The following MYO1E variants were observed in gnomAD, a reference collection of about 807,000 sequenced individuals.
The protein encoded by MYO1E is unconventional myosin-Ie.
MYO1E carries 68 observed loss-of-function variants against 151.1 expected under a neutral mutation model. The ratio of observed to expected loss-of-function variants is 0.45; its 90% CI spans 0.37 to 0.55. MYO1E has a LOEUF of 0.55. MYO1E is among the 20% of genes least tolerant of loss of function. The probability of loss-of-function intolerance (pLI) is 0.00; values close to 1 mark genes in which losing one functional copy is unlikely to be tolerated. For synonymous variants in MYO1E, 601 were observed against 501.7 expected, an observed-to-expected ratio of 1.20 and a Z score of -2.64; for missense variants, 1,363 against 1,389.3, an observed-to-expected ratio of 0.98 and a Z score of 0.30.
chr15:59,282,602 T>C (rs929659423), intron 1 of MYO1E, among the ~76,000 whole-genome samples: 1 of 151,418 alleles, frequency 6.6e-6, no homozygotes, highest in East Asian at 2.0e-4. Context: ...TCCCAGCACT[T>C]TGGGAGGCCA....
chr15:59,296,168 C>T (rs541668149), intron 1 of MYO1E, among the ~76,000 whole-genome samples: 7 of 152,324 alleles, frequency 4.6e-5, no homozygotes, highest in South Asian at 2.1e-4. Flanking sequence ...AGAGACATCA[C>T]GCTGTGGATA....
At chr15:59,328,908 A>G (rs1232025728) in intron 1 of MYO1E, among the ~76,000 whole-genome samples, 10 of 152,198 alleles carry the variant, frequency 6.6e-5, no homozygotes, top group Admixed American at 6.5e-4. Flanking sequence ...ATCACAATTT[A>G]CAGACAAGGA....
intron 1 of MYO1E, among the ~76,000 whole-genome samples, chr15:59,318,054 A>C (rs531148401): frequency 6.6e-6 from 1 of 152,252 alleles, no homozygotes; most frequent in African/African-American, 2.4e-5. Context: ...CTAAACAGTA[A>C]ATGGGGAGTC....
At chr15:59,300,758 G>A (rs1481697073) in intron 1 of MYO1E, among the ~76,000 whole-genome samples, 1 of 152,054 alleles carries the variant, frequency 6.6e-6, no homozygotes, top group South Asian at 2.1e-4. Context: ...CTTTCTTGAA[G>A]GTCTCACAGG....
rs56327611 is a variant in MYO1E, at chr15:59,236,375, C to T, written c.420+210G>A. ...AAGAAAAAAAAAAAATATATACACA[C>T]ACACACACACACACACACACACACA... is the stretch of plus-strand genomic sequence containing the variant. On this transcript the variant is annotated intron_variant, in intron 5 of 27. Transcript: ENST00000288235. Among the ~76,000 whole-genome samples, 4,680 of 24,374 alleles carry T rather than the reference C, an allele frequency of 0.19. 350 individuals carry two copies. The highest frequency in any genetic ancestry group is 0.36 in the African/African-American group (2,626 of 7,300). 16.0% of individuals were successfully genotyped at this position (24,374 alleles called of 152,430 possible). A position where few individuals can be genotyped will look rare whatever the true frequency, so the allele number is the denominator to read the frequency against.
At chr15:59,226,818 T>C (rs2079994575) in intron 7 of MYO1E, among the ~76,000 whole-genome samples, 1 of 152,004 alleles carries the variant, frequency 6.6e-6, no homozygotes, top group African/African-American at 2.4e-5. Context: ...AATAAAAAAA[T>C]AAATAAAATA....
chr15:59,276,932 G>A (rs764962355), intron 1 of MYO1E, among the ~76,000 whole-genome samples: 7 of 152,264 alleles, frequency 4.6e-5, no homozygotes, highest in Admixed American at 3.9e-4. Flanking sequence ...ACGCGGCAGC[G>A]GTTCTGCAAA....
At chr15:59,265,809 A>G (rs2080249893) in intron 2 of MYO1E, among the ~76,000 whole-genome samples, 1 of 151,092 alleles carries the variant, frequency 6.6e-6, no homozygotes, top group Non-Finnish European at 1.5e-5. Context: ...AAAAAAAAAA[A>G]AAAAAAAAAT....
chr15:59,147,621 C>CA (rs1227916351), intron 26 of MYO1E, among the ~76,000 whole-genome samples: 15 of 84,212 alleles, frequency 1.8e-4, no homozygotes, highest in Non-Finnish European at 3.5e-4. Context: ...AAAAACAATA[C>CA]AAAAAAAAGA....
At chr15:59,300,663 A>G (rs2080476561) in intron 1 of MYO1E, among the ~76,000 whole-genome samples, 1 of 152,042 alleles carries the variant, frequency 6.6e-6, no homozygotes, top group South Asian at 2.1e-4. Flanking sequence ...TTCTAGCTAT[A>G]AATCTTCCGG....
chr15:59,142,088 C>G (rs1276767771), intron 26 of MYO1E, among the ~76,000 whole-genome samples: 1 of 151,520 alleles, frequency 6.6e-6, no homozygotes, highest in African/African-American at 2.4e-5. Context: ...GCCTGGGAAA[C>G]GGAGTGAGAC....
intron 1 of MYO1E, among the ~76,000 whole-genome samples, chr15:59,336,227 T>C (rs1383900489): frequency 1.3e-5 from 2 of 151,632 alleles, no homozygotes; most frequent in Non-Finnish European, 2.9e-5. Context: ...AAAAATTAGC[T>C]GGGTGCGATG....
chr15:59,371,294 T>C (rs1321601503), intron 1 of MYO1E, among the ~76,000 whole-genome samples: 1 of 152,124 alleles, frequency 6.6e-6, no homozygotes, highest in African/African-American at 2.4e-5. Flanking sequence ...TTAATTAGTG[T>C]TGTGCTGGTT....
intron 1 of MYO1E, among the ~76,000 whole-genome samples, chr15:59,333,724 A>G (rs1454394562): frequency 6.6e-6 from 1 of 152,140 alleles, no homozygotes; most frequent in Non-Finnish European, 1.5e-5. Flanking sequence ...TTCAGCTTCT[A>G]GTTTTTCATG....
At chr15:59,240,770 G>T (rs1411450934) in intron 4 of MYO1E, among the ~76,000 whole-genome samples, 1 of 152,146 alleles carries the variant, frequency 6.6e-6, no homozygotes, top group African/African-American at 2.4e-5. Flanking sequence ...CAACGTAATT[G>T]AAATATCACT....
chr15:59,162,202 AT>A (rs112782803), intron 23 of MYO1E, among the ~76,000 whole-genome samples: 14 of 150,398 alleles, frequency 9.3e-5, no homozygotes, highest in East Asian at 3.9e-4. Context: ...TACTCGGCTA[AT>A]TTTTTTTTTA....
At chr15:59,217,455 G>C (rs1050214908) in intron 10 of MYO1E, among the ~76,000 whole-genome samples, 11 of 143,930 alleles carry the variant, frequency 7.6e-5, no homozygotes, top group African/African-American at 2.8e-4. Context: ...GAGAGAAAGT[G>C]AAGTAAGGTA....
chr15:59,139,267 C>A (rs57006076), intron 26 of MYO1E, among the ~76,000 whole-genome samples: 1 of 70,672 alleles, frequency 1.4e-5, no homozygotes, highest in Non-Finnish European at 5.4e-5. Flanking sequence ...TTCCCTCCCA[C>A]CCCCTCATTA....
chr15:59,177,161 G>A (rs1482024161), intron 19 of MYO1E, among the ~76,000 whole-genome samples: 4 of 152,156 alleles, frequency 2.6e-5, no homozygotes, highest in Admixed American at 6.5e-5. Context: ...GCTTAATGGC[G>A]AATGACACAA....
Sources: allele counts gnomAD v4.1 joint callset (sites outside exome capture counted in the v4.1 genomes callset), GRCh38; gene constraint gnomAD v4.1.1; transcripts MANE v1.5; gene names NCBI Gene and HGNC (gene_info 2026-07-23, HGNC 2026-07-21).